The following PITPNM3 variants were observed in gnomAD, a reference collection of about 807,000 sequenced individuals.
The protein encoded by PITPNM3 is membrane-associated phosphatidylinositol transfer protein 3.
Under a neutral mutation model 102.0 loss-of-function variants are expected in PITPNM3, and 26 were observed. The observed-to-expected ratio is 0.25, with a 90% CI of 0.19 to 0.35. The LOEUF (loss-of-function observed/expected upper bound fraction) is 0.35. Among genes scored for constraint, PITPNM3 ranks in the 10% least tolerant of loss-of-function variants. The pLI, the probability that PITPNM3 is intolerant of heterozygous loss-of-function variation, is 1.00. For missense variants in PITPNM3, 1,083 were observed against 1,346.1 expected (o/e 0.80, Z 3.06); for synonymous variants, 578 against 558.6 (o/e 1.03, Z -0.49).
intron 2 of PITPNM3, among the ~76,000 whole-genome samples, chr17:6,532,105 TAAA>T (rs780964428): frequency 3.0e-5 from 4 of 135,458 alleles, no homozygotes; most frequent in Non-Finnish European, 3.2e-5. Context: ...AAACTCCGTC[TAAA>T]AAAAAAAAAA....
chr17:6,503,457 G>T, intron 4 of PITPNM3, 70 bp downstream of exon 4: 2 of 1,527,296 alleles, frequency 1.3e-6, no homozygotes, highest in African/African-American at 1.4e-5. Context: ...GATGAGAGGG[G>T]ACCCAGGCTC....
chr17:6,478,141 C>T lies in PITPNM3; in HGVS notation c.778-44G>A, dbSNP rs774487787. On this transcript the variant is annotated intron_variant, in intron 7 of 19. Transcript: ENST00000262483. This position sits in a 1 kb window ranked among gnomAD's most constrained non-coding sequence, Gnocchi z 4.4. ...GGACTGCAGGCCTGCCCACTGCTGA[C>T]CCCTCACCCCCACACCCGGCCAGAG... 6.2e-7 allele frequency: 1 copy of T among 1,609,958 alleles called. No individual in the cohort carries two copies. The highest frequency in any genetic ancestry group is 1.3e-5 in the African/African-American group (1 of 74,952).
At chr17:6,466,371 G>A (rs1904768812) in intron 14 of PITPNM3, among the ~76,000 whole-genome samples, 1 of 152,214 alleles carries the variant, frequency 6.6e-6, no homozygotes, top group African/African-American at 2.4e-5. Context: ...TGGGGTCCCT[G>A]AGATAAACTA....
At chr17:6,553,211 C>T (rs1350456420) in intron 1 of PITPNM3, among the ~76,000 whole-genome samples, 4 of 152,160 alleles carry the variant, frequency 2.6e-5, no homozygotes, top group Non-Finnish European at 5.9e-5. Context: ...CCCTCCTACT[C>T]AGAGCTTCTG....
In PITPNM3 at chr17:6,478,159, G is replaced by A. The variant is rs773854843; in HGVS notation, c.778-62C>T. The A allele has an allele frequency of 2.6e-5, 41 of 1,605,632 alleles. No homozygotes were observed. Among genetic ancestry groups the A allele is most frequent in the Middle Eastern group, 1.6e-4 (1 of 6,082 alleles). ...CTGCTGACCCCTCACCCCCACACCC[G>A]GCCAGAGCAGTGCTGCCTCCCCACA... is the stretch of plus-strand genomic sequence containing the variant. On this transcript the variant is annotated intron_variant, in intron 7 of 19. Coordinates refer to ENST00000262483, the MANE Select transcript of PITPNM3 (RefSeq NM_031220.4). The surrounding 1 kb of genome is among the most constrained non-coding windows in gnomAD (Gnocchi z 4.4).
chr17:6,489,766 G>A (rs1906333372), intron 4 of PITPNM3, among the ~76,000 whole-genome samples: 1 of 152,164 alleles, frequency 6.6e-6, no homozygotes, highest in South Asian at 2.1e-4. Context: ...AGCACTTTGG[G>A]GGACCAAGGC....
intron 6 of PITPNM3, chr17:6,479,791 T>C (rs1055681832): frequency 2.6e-5 from 4 of 152,222 alleles, no homozygotes; most frequent in African/African-American, 9.7e-5. Context: ...CAGGCCTCGA[T>C]TGCAGCCGGA....
In PITPNM3 at chr17:6,470,213, C is replaced by A; in HGVS notation, c.1773+47G>T. The A allele has an allele frequency of 6.5e-7, 1 of 1,549,792 alleles. No individual in the cohort carries two copies. The highest frequency in any genetic ancestry group is 1.2e-5 in the South Asian group (1 of 85,290). On this transcript the variant is annotated intron_variant, in intron 13 of 19. Transcript: ENST00000262483. The surrounding 1 kb of genome is among the most constrained non-coding windows in gnomAD (Gnocchi z 4.8). ...CTCTCCAGCTGGAGAAGGGGCGGTA[C>A]CCCCTTGGGGTGGCTGTGGGCAGGC...
At chr17:6,518,389 T>G (rs942787905) in intron 3 of PITPNM3, among the ~76,000 whole-genome samples, 1 of 151,256 alleles carries the variant, frequency 6.6e-6, no homozygotes, top group African/African-American at 2.4e-5. Context: ...AAGGAAAAGA[T>G]TATCCCCCCA....
intron 17 of PITPNM3, among the ~76,000 whole-genome samples, chr17:6,463,398 G>A (rs752423181): frequency 2.0e-5 from 3 of 152,002 alleles, no homozygotes; most frequent in African/African-American, 7.3e-5. Context: ...AGAAAGCAGC[G>A]GATGCGTGCA....
intron 3 of PITPNM3, among the ~76,000 whole-genome samples, chr17:6,510,351 T>C (rs1032140301): frequency 2.0e-5 from 3 of 152,176 alleles, no homozygotes; most frequent in Admixed American, 6.5e-5. Flanking sequence ...CCTCCCTCCG[T>C]ACCTTTGTCC....
At chr17:6,519,156 T>C (rs1006032562) in intron 3 of PITPNM3, among the ~76,000 whole-genome samples, 2 of 135,806 alleles carry the variant, frequency 1.5e-5, no homozygotes, top group Non-Finnish European at 3.2e-5. Flanking sequence ...GCTAACAAGG[T>C]GAAACCCCGT....
In PITPNM3 at chr17:6,472,618, T is replaced by A. The variant is rs1243963650; in HGVS notation, c.1429+39A>T. The A allele has an allele frequency of 2.5e-6, 4 of 1,595,704 alleles. No homozygotes were observed. Among genetic ancestry groups the A allele is most frequent in the Non-Finnish European group, 3.4e-6 (4 of 1,172,156 alleles). On this transcript the variant is annotated intron_variant, in intron 11 of 19. Transcript: ENST00000262483. The surrounding 1 kb of genome is among the most constrained non-coding windows in gnomAD (Gnocchi z 4.1). ...GGGTTGAATGGGCTGGGGCCCCACC[T>A]CCAGCTCAGCACACTCTCTCCCACC...
intron 2 of PITPNM3, among the ~76,000 whole-genome samples, chr17:6,531,246 CA>C (rs1909128835): frequency 6.6e-6 from 1 of 152,170 alleles, no homozygotes; most frequent in Non-Finnish European, 1.5e-5. Flanking sequence ...AAACAGAACA[CA>C]AAGTGAGCTA....
intron 2 of PITPNM3, among the ~76,000 whole-genome samples, chr17:6,528,476 A>C (rs1205859852): frequency 6.6e-6 from 1 of 151,736 alleles, no homozygotes; most frequent in African/African-American, 2.4e-5. Flanking sequence ...GTGTGTGTGC[A>C]TGCATGTGTG....
intron 17 of PITPNM3, among the ~76,000 whole-genome samples, chr17:6,462,708 A>G (rs1904527102): frequency 6.6e-6 from 1 of 152,190 alleles, no homozygotes; most frequent in Non-Finnish European, 1.5e-5. Context: ...ACCAGCTAAT[A>G]GAGATGGGGA....
intron 3 of PITPNM3, among the ~76,000 whole-genome samples, chr17:6,508,076 G>T (rs1907646085): frequency 1.3e-5 from 2 of 152,108 alleles, no homozygotes; most frequent in South Asian, 4.1e-4. Context: ...TGCAGCTGGG[G>T]TTGCTGGGAA....
At chr17:6,527,677 T>C (rs974883728) in intron 2 of PITPNM3, among the ~76,000 whole-genome samples, 3 of 152,250 alleles carry the variant, frequency 2.0e-5, no homozygotes, top group Non-Finnish European at 4.4e-5. Context: ...CATTTGTTCA[T>C]TCTAGCATTC....
chr17:6,483,806 G>C, intron 5 of PITPNM3, 54 bp from the exon 6 acceptor site: 1 of 1,478,726 alleles, frequency 6.8e-7, no homozygotes, highest in South Asian at 1.1e-5. Context: ...GGTCGGGGGA[G>C]GCACACAGGG....
Sources: allele counts gnomAD v4.1 joint callset (sites outside exome capture counted in the v4.1 genomes callset), GRCh38; gene constraint gnomAD v4.1.1; non-coding constraint Gnocchi (gnomAD v3.1); transcripts MANE v1.5; gene names NCBI Gene and HGNC (gene_info 2026-07-23, HGNC 2026-07-21).